RTCB: variants seen among roughly 807,000 people sequenced by gnomAD.
RTCB encodes the protein RNA-splicing ligase RTCB.
RTCB carries 32 observed loss-of-function variants against 58.2 expected under a neutral mutation model. The ratio of observed to expected loss-of-function variants is 0.55; its 90% CI spans 0.41 to 0.74. RTCB has a LOEUF of 0.74. Among genes scored for constraint, RTCB ranks in the 30% least tolerant of loss-of-function variants. The pLI, the probability that RTCB is intolerant of heterozygous loss-of-function variation, is 0.00. For synonymous variants in RTCB, 247 were observed against 218.6 expected, an observed-to-expected ratio of 1.13 and a Z score of -1.15; for missense variants, 523 against 639.0, an observed-to-expected ratio of 0.82 and a Z score of 1.96.
intron 6 of RTCB, among the ~76,000 whole-genome samples, chr22:32,398,620 T>A (rs1933285088): frequency 6.6e-6 from 1 of 152,242 alleles, no homozygotes; most frequent in East Asian, 1.9e-4. Flanking sequence ...ATAAATTAAT[T>A]TTTTAAAAAA....
intron 1 of RTCB, among the ~76,000 whole-genome samples, chr22:32,410,795 A>T (rs1933507611): frequency 6.7e-6 from 1 of 149,652 alleles, no homozygotes; most frequent in African/African-American, 2.5e-5. Flanking sequence ...GGGTCACTGC[A>T]GCCAAGATCT....
chr22:32,390,593 C>T (rs897970025), intron 11 of RTCB, among the ~76,000 whole-genome samples: 2 of 152,094 alleles, frequency 1.3e-5, no homozygotes, highest in African/African-American at 2.4e-5. Flanking sequence ...GAGCTACAGG[C>T]GCCCGCCACC....
In RTCB at chr22:32,399,733, C is replaced by T. The variant is rs749499167; in HGVS notation, c.524G>A (p.Gly175Glu). The change falls in exon 6 of 12, where the codon GGG (glycine) becomes GAG (glutamate). Residue 175 changes from glycine to glutamate, a missense_variant. By Grantham distance (98) the Gly-to-Glu change is moderately conservative. This residue lies in a region of RTCB where 141 missense variants were observed against 216.7 expected (regional missense o/e 0.65). Transcript: ENST00000216038. ...AKDLEEALEM[G>E]VDWSLREGYA... ...CCCTTCTCTTAAGGACCAGTCCACCCCCATCTCCAAGGCCTCCTCCAAGTC... is the reference window on the plus strand; with the variant it reads ...CCCTTCTCTTAAGGACCAGTCCACCTCCATCTCCAAGGCCTCCTCCAAGTC... The T allele has an allele frequency of 3.1e-6, 5 of 1,613,862 alleles. No individual in the cohort carries two copies. In the East Asian group the frequency reaches 1.1e-4, roughly 36 times the overall value.
intron 1 of RTCB, among the ~76,000 whole-genome samples, chr22:32,410,722 CTTT>C (rs5844994): frequency 6.4e-5 from 9 of 140,368 alleles, no homozygotes; most frequent in East Asian, 2.1e-4. Flanking sequence ...TTTTTCTTTT[CTTT>C]TTTTTTTTTT....
At chr22:32,399,501 C>A in intron 6 of RTCB, 102 bp downstream of exon 6, 1 of 1,116,784 alleles carries the variant, frequency 9.0e-7, no homozygotes, top group Non-Finnish European at 1.3e-6. Context: ...CATAAAAAAA[C>A]CTGGGAATAT....
rs1182160198 is a variant in RTCB at position 32,387,898 on chromosome 22, T to C, written c.*94A>G. The C allele has an allele frequency of 4.8e-6, 4 of 827,442 alleles. No individual in the cohort carries two copies. The East Asian group carries it at 1.0e-4, about 21-fold the overall frequency. The allele number at this position is 827,442 out of a possible 1,614,324, so 51.3% of individuals were successfully genotyped here. On this transcript the variant is annotated 3_prime_UTR_variant, in exon 12 of 12. Transcript: ENST00000216038. Reference sequence around the variant, plus strand: ...AGTTACAGCTGCACACTTTGCAACTTGTCCCGCCTTGAGTCTGATGTCAGA... The same window carrying C: ...AGTTACAGCTGCACACTTTGCAACTCGTCCCGCCTTGAGTCTGATGTCAGA...
At chr22:32,407,966 AC>A (rs1439604790) in intron 3 of RTCB, 1 of 570,840 alleles carries the variant, frequency 1.8e-6, no homozygotes, top group Non-Finnish European at 3.2e-6. Context: ...TGTTGCCCAG[AC>A]TAGTCTTGAA....
At chr22:32,399,534 A>G (rs867613316) in intron 6 of RTCB, 69 bp downstream of exon 6, 8 of 1,425,586 alleles carry the variant, frequency 5.6e-6, no homozygotes, top group Middle Eastern at 3.7e-4. Flanking sequence ...TAAGATATAG[A>G]TTTTTTTCCC....
chr22:32,399,521 A>T, intron 6 of RTCB, 82 bp downstream of exon 6: 1 of 1,300,460 alleles, frequency 7.7e-7, no homozygotes. Context: ...TGTTTGCTAA[A>T]TGTAAGATAT....
At chr22:32,395,716 C>T (rs925301152) in intron 8 of RTCB, among the ~76,000 whole-genome samples, 9 of 151,892 alleles carry the variant, frequency 5.9e-5, no homozygotes, top group Admixed American at 4.6e-4. Context: ...CTTTTGGAGA[C>T]AGGAGTCTCA....
intron 11 of RTCB, among the ~76,000 whole-genome samples, chr22:32,391,347 G>C (rs1480030386): frequency 6.7e-6 from 1 of 150,062 alleles, no homozygotes; most frequent in African/African-American, 2.4e-5. Flanking sequence ...CTATAATTAA[G>C]ACTAGCTTTA....
At chr22:32,400,187 T>C (rs57787050) in intron 5 of RTCB, among the ~76,000 whole-genome samples, 14,467 of 152,280 alleles carry the variant, frequency 0.095, 894 homozygotes, top group African/African-American at 0.17. Flanking sequence ...CACACCTTAA[T>C]CATTTATGAA....
At chr22:32,392,128 A>AG in intron 11 of RTCB, 112 bp downstream of exon 11, 1 of 1,202,446 alleles carries the variant, frequency 8.3e-7, no homozygotes, top group Non-Finnish European at 1.1e-6. Flanking sequence ...ATAAAAAAAA[A>AG]TAACCCAAAC....
At chr22:32,411,124 A>C (rs1199836137) in intron 1 of RTCB, among the ~76,000 whole-genome samples, 2 of 152,202 alleles carry the variant, frequency 1.3e-5, no homozygotes, top group South Asian at 2.1e-4. Context: ...CCTCAGTGTA[A>C]GTGACTTGCC....
intron 4 of RTCB, among the ~76,000 whole-genome samples, chr22:32,402,368 T>C (rs1403104555): frequency 6.6e-6 from 1 of 152,258 alleles, no homozygotes; most frequent in African/African-American, 2.4e-5. Flanking sequence ...GCCTTTCTTC[T>C]TTCCCAATTT....
intron 10 of RTCB, among the ~76,000 whole-genome samples, chr22:32,393,246 C>G (rs987040210): frequency 6.6e-6 from 1 of 152,170 alleles, no homozygotes; most frequent in Non-Finnish European, 1.5e-5. Flanking sequence ...TAAAATAGTT[C>G]TATTAGAACA....
intron 4 of RTCB, among the ~76,000 whole-genome samples, chr22:32,402,843 C>T (rs1933360529): frequency 6.6e-6 from 1 of 152,062 alleles, no homozygotes; most frequent in Non-Finnish European, 1.5e-5. Context: ...CTTCCCGGCT[C>T]CAGCAATCCT....
rs199797128 is a variant in RTCB, at chr22:32,412,018, C to T, written c.93+46G>A. The T allele has an allele frequency of 2.3e-5, 34 of 1,496,832 alleles. No homozygotes were observed. In the East Asian group the frequency reaches 6.7e-4, roughly 29 times the overall value. The allele number at this position is 1,496,832 out of a possible 1,614,324, so 92.7% of individuals were successfully genotyped here. A position where few individuals can be genotyped will look rare whatever the true frequency, so the allele number is the denominator to read the frequency against. On this transcript the variant is annotated intron_variant, in intron 1 of 11. Transcript: ENST00000216038. The stretch of plus-strand genomic sequence containing the variant: ...AGGGCGCAGTGGACGCCGGCCGGGC[C>T]GGGGACGGAGCACGGAAGGCCCCGC...
At chr22:32,401,145 G>A (rs1601428449) in intron 5 of RTCB, among the ~76,000 whole-genome samples, 1 of 150,682 alleles carries the variant, frequency 6.6e-6, no homozygotes. Flanking sequence ...CCACGCTGGG[G>A]TGCAGTACTG....
Sources: gnomAD v4.1 joint callset for allele counts (sites outside exome capture counted in the v4.1 genomes callset) on GRCh38, gnomAD v4.1.1 for gene constraint, gnomAD v4.1.1 regional missense constraint, MANE v1.5 for transcripts, NCBI Gene and HGNC (gene_info 2026-07-23, HGNC 2026-07-21) for gene names.